The following GATA6 variants were observed in gnomAD, a reference collection of about 807,000 sequenced individuals.
GATA6 encodes transcription factor GATA-6.
A neutral mutation model predicts 48.1 loss-of-function variants in GATA6; 11 were observed. That is an observed-to-expected ratio of 0.23 (90% CI 0.14 to 0.38). The LOEUF is 0.38. GATA6 is among the 10% of genes least tolerant of loss of function. GATA6 has a pLI of 1.00. For missense variants in GATA6, 795 were observed against 850.3 expected, an observed-to-expected ratio of 0.93 and a Z score of 0.81; for synonymous variants, 419 against 396.1, an observed-to-expected ratio of 1.06 and a Z score of -0.69.
intron 6 of GATA6, among the ~76,000 whole-genome samples, chr18:22,190,976 T>C (rs1598740612): frequency 6.6e-6 from 1 of 151,998 alleles, no homozygotes; most frequent in South Asian, 2.1e-4. Context: ...ATTTGCATAC[T>C]TTCATTCTGA....
intron 6 of GATA6, among the ~76,000 whole-genome samples, chr18:22,198,261 G>A (rs35737016): frequency 0.029 from 4,459 of 152,028 alleles, 90 homozygotes; most frequent in Middle Eastern, 0.061. Context: ...TGTAGAGACG[G>A]GGTCTCCCAA....
chr18:22,170,931 T>G lies in GATA6; in HGVS notation c.-37-177T>G. On this transcript the variant is annotated intron_variant, in intron 1 of 6. Transcript: ENST00000269216. This position sits in a 1 kb window ranked among gnomAD's most constrained non-coding sequence, Gnocchi z 6.7. ...GCTGCGCAGGCTCCCTTCCCCTCCCTTATTGATCTCCACGCCCGGGGCAGA... is the reference window on the plus strand; with the variant it reads ...GCTGCGCAGGCTCCCTTCCCCTCCCGTATTGATCTCCACGCCCGGGGCAGA... 1.7e-6 allele frequency: 1 copy of G among 601,782 alleles called. No homozygotes were observed. The allele number at this position is 601,782 out of a possible 1,614,324, so 37.3% of individuals were successfully genotyped here.
Position 22,201,003 on chromosome 18 carries a change from G to A in GATA6, c.*180G>A. The A allele has an allele frequency of 1.2e-6, 1 of 827,132 alleles. No homozygotes were observed. Among genetic ancestry groups the A allele is most frequent in the Non-Finnish European group, 1.9e-6 (1 of 539,362 alleles). The allele number at this position is 827,132 out of a possible 1,614,324, so 51.2% of individuals were successfully genotyped here. ...TGAAAGAGTGAGAGAAGATGGAAGG[G>A]AAGGGCCAGTGCAACTGGGCGCTTG... is the stretch of plus-strand genomic sequence containing the variant. On this transcript the variant is annotated 3_prime_UTR_variant, in exon 7 of 7. Coordinates refer to ENST00000269216, the MANE Select transcript of GATA6 (RefSeq NM_005257.6).
intron 6 of GATA6, among the ~76,000 whole-genome samples, chr18:22,187,010 T>C (rs1253275400): frequency 6.6e-6 from 1 of 152,170 alleles, no homozygotes; most frequent in Non-Finnish European, 1.5e-5. Context: ...CTGCTTAAAA[T>C]ATTGCCTATT....
At chr18:22,198,433 TC>T (rs1215625701) in intron 6 of GATA6, among the ~76,000 whole-genome samples, 2 of 152,178 alleles carry the variant, frequency 1.3e-5, no homozygotes, top group Non-Finnish European at 2.9e-5. Flanking sequence ...TCTTGGCACT[TC>T]CCTGCCATTT....
Position 22,171,186 on chromosome 18 carries a change from C to A in GATA6, c.42C>A (p.Phe14Leu). The A allele has an allele frequency of 8.8e-6, 14 of 1,599,536 alleles. No homozygotes were observed. The highest frequency in any genetic ancestry group is 1.2e-5 in the Non-Finnish European group (14 of 1,179,382). Residue 14 changes from phenylalanine to leucine, a missense_variant, in exon 2 of 7, where the codon TTC becomes TTA. Coordinates refer to ENST00000269216, the MANE Select transcript of GATA6 (RefSeq NM_005257.6). The surrounding 1 kb of genome is among the most constrained non-coding windows in gnomAD (Gnocchi z 7.1). ...GCGGCTGGTGCTTGCCGAAGCGCTT[C>A]GGGGCCGCGGGTGCGGACGCCAGCG... The part of the protein sequence containing the change: ...TDGGWCLPKR[F>L]GAAGADASDS...
intron 6 of GATA6, among the ~76,000 whole-genome samples, chr18:22,193,889 T>A (rs940461380): frequency 9.2e-5 from 14 of 151,938 alleles, no homozygotes; most frequent in African/African-American, 3.4e-4. Context: ...CCTTTCAGGG[T>A]TTCCTTTTCT....
At position 22,170,982 on chromosome 18, in the gene GATA6, T is replaced by C. The variant is rs762100264; in HGVS notation, c.-37-126T>C. The C allele has an allele frequency of 1.7e-5, 11 of 663,404 alleles. No individual in the cohort carries two copies. Among genetic ancestry groups the C allele is most frequent in the Non-Finnish European group, 2.7e-5 (10 of 372,912 alleles). 41.1% of individuals were successfully genotyped at this position (663,404 alleles called of 1,614,324 possible). The stretch of plus-strand genomic sequence containing the variant: ...AATAGGATCTTTGAGAAGTCTCAAA[T>C]GGGATCTTTGAGAAGTCAGATCCCA... On this transcript the variant is annotated intron_variant, in intron 1 of 6. Coordinates refer to ENST00000269216, the MANE Select transcript of GATA6 (RefSeq NM_005257.6). This position sits in a 1 kb window ranked among gnomAD's most constrained non-coding sequence, Gnocchi z 6.7.
At position 22,172,506 on chromosome 18, in the gene GATA6, T is replaced by C. The variant is rs1476742988; in HGVS notation, c.1135+227T>C. 6.6e-6 allele frequency among the ~76,000 whole-genome samples: 1 copy of C among 152,224 alleles called. No homozygotes were observed. The highest frequency in any genetic ancestry group is 1.9e-4 in the East Asian group (1 of 5,184). On this transcript the variant is annotated intron_variant, in intron 2 of 6. Transcript: ENST00000269216. This position sits in a 1 kb window ranked among gnomAD's most constrained non-coding sequence, Gnocchi z 5.2. ...ACTTGAGTCTGTTGTGCCAAGTTCC[T>C]TTCCACGGATGAGACTAAATGCACA...
At position 22,171,242 on chromosome 18, in the gene GATA6, C is replaced by G; in HGVS notation, c.98C>G (p.Ser33Cys). 3 of 1,598,962 alleles carry G rather than the reference C, an allele frequency of 1.9e-6. No homozygotes were observed. Among genetic ancestry groups the G allele is most frequent in the Non-Finnish European group, 2.5e-6 (3 of 1,179,132 alleles). ...AGAGCCTTTCCAGCGCGGGAGCCCT[C>G]CACGCCGCCTTCCCCCATCTCTTCC... ...DSRAFPAREPSTPPSPISSSS... is the reference protein window; with the variant it reads ...DSRAFPAREPCTPPSPISSSS... Residue 33 changes from serine (S) to cysteine (C), a missense_variant, in exon 2 of 7, where the codon TCC becomes TGC. Coordinates refer to ENST00000269216, the MANE Select transcript of GATA6 (RefSeq NM_005257.6). The surrounding 1 kb of genome is among the most constrained non-coding windows in gnomAD (Gnocchi z 7.1).
chr18:22,170,902 G>A lies in GATA6; in HGVS notation c.-37-206G>A, dbSNP rs2033024935. ...TATCCCAGCCCTTCCAGGGCCCTGT[G>A]GCGGCTGCGCAGGCTCCCTTCCCCT... On this transcript the variant is annotated intron_variant, in intron 1 of 6. Transcript: ENST00000269216. This position sits in a 1 kb window ranked among gnomAD's most constrained non-coding sequence, Gnocchi z 6.7. 17 of 579,810 alleles carry A rather than the reference G, an allele frequency of 2.9e-5. No homozygotes were observed. In the South Asian group the frequency reaches 3.3e-4, roughly 11 times the overall value. The allele number at this position is 579,810 out of a possible 1,614,324, so 35.9% of individuals were successfully genotyped here. A position where few individuals can be genotyped will look rare whatever the true frequency, so the allele number is the denominator to read the frequency against.
At position 22,171,393 on chromosome 18, in the gene GATA6, C is replaced by T; in HGVS notation, c.249C>T (p.Tyr83=). ...PPARSLLLSS[Y]ASHPFGAPHG... is the part of the protein sequence containing the mutation. ...CCCGCTCGCTGCTGCTCAGTTCCTA[C>T]GCTTCGCATCCCTTCGGGGCTCCCC... The change falls in exon 2 of 7, where the codon TAC becomes TAT. Residue 83 remains tyrosine, a synonymous_variant. Coordinates refer to ENST00000269216, the MANE Select transcript of GATA6 (RefSeq NM_005257.6). This position sits in a 1 kb window ranked among gnomAD's most constrained non-coding sequence, Gnocchi z 7.1. The T allele has an allele frequency of 6.3e-7, 1 of 1,588,330 alleles. No individual in the cohort carries two copies.
intron 3 of GATA6, among the ~76,000 whole-genome samples, chr18:22,177,774 C>A (rs1412839195): frequency 6.6e-6 from 1 of 152,058 alleles, no homozygotes; most frequent in African/African-American, 2.4e-5. Context: ...ACCTCTTATC[C>A]TCAGGTGTAT....
At position 22,171,538 on chromosome 18, in the gene GATA6, C is replaced by T. The variant is rs1433601370; in HGVS notation, c.394C>T (p.Arg132Cys). ...ATASKLLWSS[R>C]GAKLSPFAPE... The stretch of plus-strand genomic sequence containing the variant: ...CGCCAGCAAGCTGCTGTGGTCCAGC[C>T]GCGGCGCCAAGCTGAGCCCCTTCGC... Residue 132 changes from arginine to cysteine, a missense_variant, in exon 2 of 7, where the codon CGC becomes TGC. Arg to Cys is a radical substitution (Grantham distance 180, BLOSUM62 -3). Around this residue, in one of 5 missense-constraint regions of GATA6, gnomAD observed 591 missense variants for 570.0 expected, o/e 1.04. Coordinates refer to ENST00000269216, the MANE Select transcript of GATA6 (RefSeq NM_005257.6). The surrounding 1 kb of genome is among the most constrained non-coding windows in gnomAD (Gnocchi z 7.1). The T allele has an allele frequency of 1.9e-5, 31 of 1,603,964 alleles. No homozygotes were observed. In the Admixed American group the frequency reaches 5.2e-4, roughly 27 times the overall value.
At chr18:22,180,652 T>C (rs2033180772) in intron 3 of GATA6, among the ~76,000 whole-genome samples, 1 of 152,070 alleles carries the variant, frequency 6.6e-6, no homozygotes, top group Non-Finnish European at 1.5e-5. Context: ...ATGATGGTAA[T>C]TATGGAATGT....
Position 22,172,172 on chromosome 18 carries a change from C to A in GATA6, c.1028C>A (p.Ala343Glu), listed in dbSNP as rs1361323910. 1 of 1,526,112 alleles carries A rather than the reference C, an allele frequency of 6.6e-7. No individual in the cohort carries two copies. Among genetic ancestry groups the A allele is most frequent in the African/African-American group, 1.4e-5 (1 of 72,490 alleles). The allele number at this position is 1,526,112 out of a possible 1,614,324, so 94.5% of individuals were successfully genotyped here. A position where few individuals can be genotyped will look rare whatever the true frequency, so the allele number is the denominator to read the frequency against. ...AGCCCCTACTCGCCCTACGTGGGGG[C>A]GCCACTGACGCCTGCCTGGCCCGCC... The part of the protein sequence containing the change: ...HPSPYSPYVG[A>E]PLTPAWPAGP... Residue 343 changes from alanine to glutamate, a missense_variant, in exon 2 of 7, where the codon GCG becomes GAG. By Grantham distance (107) the Ala-to-Glu change is moderately radical. Transcript: ENST00000269216. The surrounding 1 kb of genome is among the most constrained non-coding windows in gnomAD (Gnocchi z 5.2).
In GATA6 at chr18:22,193,372, G is replaced by A. The variant is rs145928289; in HGVS notation, c.1621-7284G>A. Among the ~76,000 whole-genome samples the A allele has an allele frequency of 1.2e-3, 178 of 152,302 alleles. No individual in the cohort carries two copies. The Middle Eastern group carries it at 0.02, about 17-fold the overall frequency. ...TACCTCCAGCCAAACTGAAATGATC[G>A]TAGTTTATATAGTGGAAGTTACGAT... is the stretch of plus-strand genomic sequence containing the variant. On this transcript the variant is annotated intron_variant, in intron 6 of 6. Transcript: ENST00000269216.
rs1358127161 is a variant in GATA6, at chr18:22,172,238, G to A, written c.1094G>A (p.Arg365His). ...CCGGTGCTGCACAGCCTGCAGAGCC[G>A]CGCCGGAGCCCCGCTCCCGGTGCCC... ...ETPVLHSLQS[R>H]AGAPLPVPRG... Residue 365 changes from arginine (R) to histidine (H), a missense_variant, in exon 2 of 7, where the codon CGC becomes CAC. By Grantham distance (29) the Arg-to-His change is conservative (BLOSUM62 0). Transcript: ENST00000269216. The surrounding 1 kb of genome is among the most constrained non-coding windows in gnomAD (Gnocchi z 5.2). 6.5e-7 allele frequency: 1 copy of A among 1,533,884 alleles called. No individual in the cohort carries two copies. Among genetic ancestry groups the A allele is most frequent in the South Asian group, 1.2e-5 (1 of 83,944 alleles).
At chr18:22,178,498 A>G (rs2033155045) in intron 3 of GATA6, among the ~76,000 whole-genome samples, 1 of 152,150 alleles carries the variant, frequency 6.6e-6, no homozygotes. Context: ...GTATCCCAGT[A>G]ATTTATTTGT....
Sources: gnomAD v4.1 joint callset for allele counts (sites outside exome capture counted in the v4.1 genomes callset) on GRCh38, gnomAD v4.1.1 for gene constraint, gnomAD v4.1.1 regional missense constraint, Gnocchi (gnomAD v3.1) non-coding constraint, MANE v1.5 for transcripts, NCBI Gene and HGNC (gene_info 2026-07-23, HGNC 2026-07-21) for gene names.